The following AKTIP variants were observed in gnomAD, a reference collection of about 807,000 sequenced individuals.
AKTIP encodes the protein AKT-interacting protein.
In AKTIP, 16 loss-of-function variants were observed where a neutral mutation model predicts 39.1. That is an observed-to-expected ratio of 0.41 (90% CI 0.28 to 0.62). AKTIP has a LOEUF of 0.62. AKTIP is among the 20% of genes least tolerant of loss of function. The pLI is 0.32. For synonymous variants in AKTIP, 93 were observed against 124.3 expected (o/e 0.75, Z 1.67); for missense variants, 262 against 356.6 (o/e 0.73, Z 2.14).
At chr16:53,499,116 A>G (rs1188139314) in intron 2 of AKTIP, among the ~76,000 whole-genome samples, 1 of 152,228 alleles carries the variant, frequency 6.6e-6, no homozygotes, top group African/African-American at 2.4e-5. Context: ...CCTACTGGGT[A>G]TGTTTCAACA....
intron 1 of AKTIP, 168 bp downstream of exon 1, chr16:53,502,979 A>G (rs2150877903): frequency 6.6e-6 from 1 of 152,414 alleles, no homozygotes; most frequent in Admixed American, 6.5e-5. Flanking sequence ...GTGCCTGCAA[A>G]CGCGCACAGG....
At chr16:53,497,590 TG>T (rs1961916870) in intron 3 of AKTIP, among the ~76,000 whole-genome samples, 1 of 152,202 alleles carries the variant, frequency 6.6e-6, no homozygotes, top group Non-Finnish European at 1.5e-5. Context: ...GTCAGGAGGC[TG>T]CCTACAAGGC....
At chr16:53,501,705 A>C (rs559538854) in intron 1 of AKTIP, 7 of 152,352 alleles carry the variant, frequency 4.6e-5, no homozygotes, top group African/African-American at 1.7e-4. Flanking sequence ...CCAGGGACGT[A>C]CCCAACCCAG....
At chr16:53,496,195 G>A (rs1403804530) in intron 3 of AKTIP, among the ~76,000 whole-genome samples, 3 of 152,072 alleles carry the variant, frequency 2.0e-5, no homozygotes, top group African/African-American at 7.3e-5. Flanking sequence ...TCATTTTTGA[G>A]TTATTATCCG....
intron 1 of AKTIP, chr16:53,501,020 T>C (rs979368664): frequency 6.6e-6 from 1 of 152,276 alleles, no homozygotes; most frequent in Non-Finnish European, 1.5e-5. Flanking sequence ...TGTACCCACA[T>C]ACACATAAGT....
chr16:53,498,069 A>G (rs530288064), intron 3 of AKTIP, among the ~76,000 whole-genome samples: 2 of 152,340 alleles, frequency 1.3e-5, no homozygotes, highest in South Asian at 4.1e-4. Flanking sequence ...GGTTCTTAAT[A>G]AGCCTTAGTT....
upstream of AKTIP, among the ~76,000 whole-genome samples, chr16:53,503,851 G>C (rs182429444): frequency 6.6e-6 from 1 of 152,214 alleles, no homozygotes; most frequent in Non-Finnish European, 1.5e-5. Flanking sequence ...CAGTGCAGGA[G>C]CTGAAGGCTG....
intron 1 of AKTIP, among the ~76,000 whole-genome samples, chr16:53,502,176 T>C (rs1186286367): frequency 6.6e-6 from 1 of 152,242 alleles, no homozygotes; most frequent in Non-Finnish European, 1.5e-5. Context: ...GGAGGTATTG[T>C]CTTCTGCTGC....
chr16:53,502,521 C>G (rs1962229745), intron 1 of AKTIP, among the ~76,000 whole-genome samples: 1 of 152,198 alleles, frequency 6.6e-6, no homozygotes, highest in African/African-American at 2.4e-5. Flanking sequence ...TCACATCACC[C>G]CGAATCGGAC....
intron 3 of AKTIP, among the ~76,000 whole-genome samples, chr16:53,498,185 ATC>A (rs1363644736): frequency 2.0e-5 from 3 of 152,192 alleles, no homozygotes; most frequent in African/African-American, 7.2e-5. Flanking sequence ...GGCTATTTTT[ATC>A]TCTCTACCTA....
rs1391121494 is a variant in AKTIP, at chr16:53,492,367, CAG to C, written c.*43_*44del. On this transcript the variant is annotated 3_prime_UTR_variant, in exon 10 of 10. Coordinates refer to ENST00000394657, the MANE Select transcript of AKTIP (RefSeq NM_022476.4). ...TGCCATTGGTCAGCTTGAACTAGGC[CAG>C]AGTCTAGCAGGAAAGTGCATGGTGC... is the stretch of plus-strand genomic sequence containing the variant. 1 of 1,556,762 alleles carries C rather than the reference CAG, an allele frequency of 6.4e-7. No homozygotes were observed. Among genetic ancestry groups the C allele is most frequent in the Non-Finnish European group, 8.8e-7 (1 of 1,130,922 alleles).
intron 3 of AKTIP, among the ~76,000 whole-genome samples, chr16:53,497,495 A>C (rs1262133779): frequency 6.6e-6 from 1 of 152,174 alleles, no homozygotes; most frequent in African/African-American, 2.4e-5. Context: ...TCTCTTCTCC[A>C]AGAAAACTTC....
At chr16:53,494,317 T>A (rs745564595) in intron 7 of AKTIP, 22 bp downstream of exon 7, 1 of 1,613,302 alleles carries the variant, frequency 6.2e-7, no homozygotes, top group Non-Finnish European at 8.5e-7. Flanking sequence ...TTATTTTAAA[T>A]AACAAAGCAA....
rs1391693743 is a variant in AKTIP at position 53,494,440 on chromosome 16, A to G, written c.504-3T>C. 1 of 1,614,124 alleles carries G rather than the reference A, an allele frequency of 6.2e-7. No homozygotes were observed. Among genetic ancestry groups the G allele is most frequent in the African/African-American group, 1.3e-5 (1 of 75,056 alleles). On this transcript the variant is annotated splice_region_variant and splice_polypyrimidine_tract_variant and intron_variant, in intron 6 of 9. Coordinates refer to ENST00000394657, the MANE Select transcript of AKTIP (RefSeq NM_022476.4). ...GCCAAATATGATTATGGTTCCGCCT[A>G]AAGGGAAACATGGCGTGATTACCGA...
In AKTIP at chr16:53,492,386, G is replaced by A. The variant is rs781633897; in HGVS notation, c.*26C>T. ...CTAGGCCAGAGTCTAGCAGGAAAGT[G>A]CATGGTGCACCAGATTCACCATCTC... On this transcript the variant is annotated 3_prime_UTR_variant, in exon 10 of 10. Transcript: ENST00000394657. 88 of 1,585,290 alleles carry A rather than the reference G, an allele frequency of 5.6e-5. No individual in the cohort carries two copies. The highest frequency in any genetic ancestry group is 7.3e-5 in the Non-Finnish European group (84 of 1,155,792).
At chr16:53,504,105 T>TTTTTA (rs1414480684), upstream of AKTIP, among the ~76,000 whole-genome samples, 50 of 149,522 alleles carry the variant, frequency 3.3e-4, no homozygotes, top group Non-Finnish European at 5.9e-4. Context: ...TTTTTTTTTT[T>TTTTTA]TTTTAATTCA....
chr16:53,503,427 A>T (rs558379658), upstream of AKTIP, among the ~76,000 whole-genome samples: 72 of 152,294 alleles, frequency 4.7e-4, no homozygotes, highest in Non-Finnish European at 8.7e-4. Context: ...CCTGCAAATC[A>T]AATCACCCCG....
At position 53,495,344 on chromosome 16, in the gene AKTIP, T is replaced by C. The variant is rs748812142; in HGVS notation, c.249-18A>G. 6.2e-7 allele frequency: 1 copy of C among 1,613,432 alleles called. No individual in the cohort carries two copies. Among genetic ancestry groups the C allele is most frequent in the Non-Finnish European group, 8.5e-7 (1 of 1,179,532 alleles). ...CCAAGGTACTACAACAAAAGCAGAA[T>C]AATTAACTTGTGTGGATACAAATGA... On this transcript the variant is annotated intron_variant, in intron 3 of 9. Transcript: ENST00000394657.
chr16:53,503,321 G>T (rs977198091), upstream of AKTIP: 1 of 144,632 alleles, frequency 6.9e-6, no homozygotes, highest in South Asian at 2.3e-4. Context: ...CGATCCTGGG[G>T]CCCGAGGCTT....
Sources: gnomAD v4.1 joint callset for allele counts (sites outside exome capture counted in the v4.1 genomes callset) on GRCh38, gnomAD v4.1.1 for gene constraint, MANE v1.5 for transcripts, NCBI Gene and HGNC (gene_info 2026-07-23, HGNC 2026-07-21) for gene names.